TM2D1: variants seen among roughly 807,000 people sequenced by gnomAD.
The protein encoded by TM2D1 is TM2 domain-containing protein 1.
In TM2D1, 15 loss-of-function variants were observed where a neutral mutation model predicts 28.4. The observed-to-expected ratio is 0.53, with a 90% CI of 0.35 to 0.81. The LOEUF (loss-of-function observed/expected upper bound fraction) is 0.81. TM2D1 is among the 40% of genes least tolerant of loss of function. The pLI, the probability that TM2D1 is intolerant of heterozygous loss-of-function variation, is 0.01. For synonymous variants in TM2D1, 93 were observed against 96.2 expected (o/e 0.97, Z 0.20); for missense variants, 236 against 254.9 (o/e 0.93, Z 0.50).
At chr1:61,709,095 G>A (rs1644459746) in intron 3 of TM2D1, among the ~76,000 whole-genome samples, 1 of 152,096 alleles carries the variant, frequency 6.6e-6, no homozygotes, top group Admixed American at 6.6e-5. Context: ...AGCCTGGGAG[G>A]CAGAGGCTGA....
intron 4 of TM2D1, 124 bp from the exon 5 acceptor site, chr1:61,694,894 G>A (rs1644353289): frequency 4.3e-6 from 2 of 463,772 alleles, no homozygotes; most frequent in Non-Finnish European, 7.4e-6. Context: ...GAACATAAAA[G>A]TAACACTTAA....
chr1:61,704,853 C>T (rs988003304), intron 3 of TM2D1, among the ~76,000 whole-genome samples: 7 of 152,064 alleles, frequency 4.6e-5, no homozygotes, highest in Non-Finnish European at 7.4e-5. Flanking sequence ...TCACTTCAGG[C>T]CATGAATTTG....
At chr1:61,698,283 G>C (rs1557530226) in intron 4 of TM2D1, 1 of 152,452 alleles carries the variant, frequency 6.6e-6, no homozygotes, top group Non-Finnish European at 1.5e-5. Flanking sequence ...TTCCAGGCCA[G>C]GCGCAGTGGC....
intron 5 of TM2D1, among the ~76,000 whole-genome samples, chr1:61,691,953 ATATATATG>A (rs1371393730): frequency 2.2e-5 from 3 of 135,636 alleles, no homozygotes; most frequent in Admixed American, 7.7e-5. Context: ...ATATATATAT[ATATATATG>A]TATATATATA....
chr1:61,682,512 A>T (rs1388935642), intron 6 of TM2D1, among the ~76,000 whole-genome samples: 3 of 152,220 alleles, frequency 2.0e-5, no homozygotes, highest in Non-Finnish European at 2.9e-5. Context: ...ATTGAAATTT[A>T]AAAAACCTTG....
chr1:61,682,328 G>C (rs1413046670), intron 6 of TM2D1, among the ~76,000 whole-genome samples: 1 of 152,110 alleles, frequency 6.6e-6, no homozygotes, highest in Non-Finnish European at 1.5e-5. Context: ...ACAGCTGCTA[G>C]ACAGCTCAAA....
intron 3 of TM2D1, among the ~76,000 whole-genome samples, chr1:61,703,762 T>G (rs865909829): frequency 0.018 from 2,363 of 134,938 alleles, 144 homozygotes; most frequent in African/African-American, 0.06. Context: ...ATATGCATTT[T>G]TTTTTTTTTT....
At chr1:61,702,178 A>G (rs1644406690) in intron 3 of TM2D1, among the ~76,000 whole-genome samples, 1 of 151,954 alleles carries the variant, frequency 6.6e-6, no homozygotes, top group African/African-American at 2.4e-5. Context: ...TGACAGAGTG[A>G]GACTCTGTCT....
At chr1:61,693,554 G>A (rs1644343331) in intron 5 of TM2D1, among the ~76,000 whole-genome samples, 1 of 152,136 alleles carries the variant, frequency 6.6e-6, no homozygotes. Flanking sequence ...AGTTAGAGAA[G>A]GCAGGATATT....
chr1:61,685,760 T>G (rs1449077987), intron 5 of TM2D1, among the ~76,000 whole-genome samples: 3 of 152,182 alleles, frequency 2.0e-5, no homozygotes, highest in Admixed American at 2.0e-4. Context: ...ATCCCACACT[T>G]TGGGAGGCCA....
chr1:61,718,117 A>G (rs920578833), intron 2 of TM2D1, among the ~76,000 whole-genome samples: 4 of 152,140 alleles, frequency 2.6e-5, no homozygotes, highest in African/African-American at 9.7e-5. Flanking sequence ...CAGGAGTTAG[A>G]AACCAGCTTG....
intron 2 of TM2D1, among the ~76,000 whole-genome samples, chr1:61,713,137 T>C (rs1214517508): frequency 2.7e-5 from 4 of 146,318 alleles, no homozygotes; most frequent in Non-Finnish European, 6.0e-5. Flanking sequence ...GCCACTGCAC[T>C]TCAGCCAGGG....
At chr1:61,697,208 G>A (rs1557529718) in intron 4 of TM2D1, among the ~76,000 whole-genome samples, 2 of 152,102 alleles carry the variant, frequency 1.3e-5, no homozygotes, top group African/African-American at 4.8e-5. Context: ...CACACGTTTG[G>A]AGTAAGATAT....
chr1:61,699,573 GC>G (rs1404467066), intron 4 of TM2D1: 1 of 152,174 alleles, frequency 6.6e-6, no homozygotes, highest in Non-Finnish European at 1.5e-5. Flanking sequence ...CTTTACACAT[GC>G]TGTTCTCTGC....
chr1:61,688,270 G>C (rs958388299), intron 5 of TM2D1, among the ~76,000 whole-genome samples: 2 of 152,010 alleles, frequency 1.3e-5, no homozygotes, highest in African/African-American at 4.8e-5. Context: ...CTACCCACAG[G>C]GTAAGTGAAC....
chr1:61,701,671 C>T (rs904228848), intron 3 of TM2D1, among the ~76,000 whole-genome samples: 8 of 151,604 alleles, frequency 5.3e-5, no homozygotes, highest in African/African-American at 1.9e-4. Context: ...ATGTGTCTAA[C>T]GTTATAAGGA....
chr1:61,688,661 C>T (rs1410414104), intron 5 of TM2D1, among the ~76,000 whole-genome samples: 23 of 137,924 alleles, frequency 1.7e-4, no homozygotes, highest in Middle Eastern at 4.4e-3. Flanking sequence ...AGGCGGAGGT[C>T]ACAGTGAGCC....
chr1:61,700,877 T>C (rs1644395693), intron 4 of TM2D1, 57 bp downstream of exon 4: 4 of 1,287,396 alleles, frequency 3.1e-6, no homozygotes, highest in Non-Finnish European at 3.3e-6. Context: ...TAAGAACACC[T>C]ACAATGAACT....
In TM2D1 at chr1:61,723,719, C is replaced by A; in HGVS notation, c.232G>T (p.Ala78Ser). 2 of 1,527,720 alleles carry A rather than the reference C, an allele frequency of 1.3e-6. No individual in the cohort carries two copies. Among genetic ancestry groups the A allele is most frequent in the Non-Finnish European group, 1.8e-6 (2 of 1,124,282 alleles). The allele number at this position is 1,527,720 out of a possible 1,614,324, so 94.6% of individuals were successfully genotyped here. ...QEPVNCTNYT[A>S]HVSCFPAPNI... ...ATGTTTCTTGAAGTCTTACCATGAG[C>A]TGTGTAGTTTGTACAGTTAACTGGT... Residue 78 changes from alanine (A) to serine (S), a missense_variant, in exon 2 of 7, where the codon GCT becomes TCT. Around this residue, in one of 3 missense-constraint regions of TM2D1, gnomAD observed 167 missense variants for 162.7 expected, o/e 1.03. Transcript: ENST00000606498.
Sources: gnomAD v4.1 joint callset for allele counts (sites outside exome capture counted in the v4.1 genomes callset) on GRCh38, gnomAD v4.1.1 for gene constraint, gnomAD v4.1.1 regional missense constraint, MANE v1.5 for transcripts, NCBI Gene and HGNC (gene_info 2026-07-23, HGNC 2026-07-21) for gene names.